The following ZNF681 variants were observed in gnomAD, a reference collection of about 807,000 sequenced individuals.
ZNF681 encodes zinc finger protein 681, also known as hypothetical protein FLJ31526.
A neutral mutation model predicts 56.0 loss-of-function variants in ZNF681; 37 were observed. The ratio of observed to expected loss-of-function variants is 0.66; its 90% CI spans 0.51 to 0.87. ZNF681 has a LOEUF of 0.87. Ranked by LOEUF, ZNF681 falls within the 40% of genes least tolerant of loss-of-function variation. ZNF681 has a pLI of 0.00. For synonymous variants in ZNF681, 225 were observed against 248.6 expected, an observed-to-expected ratio of 0.91 and a Z score of 0.89; for missense variants, 741 against 744.9, an observed-to-expected ratio of 0.99 and a Z score of 0.06.
At position 23,745,302 on chromosome 19, in the gene ZNF681, T is replaced by C; in HGVS notation, c.248A>G (p.Gln83Arg). The C allele has an allele frequency of 6.4e-7, 1 of 1,555,700 alleles. No individual in the cohort carries two copies. The highest frequency in any genetic ancestry group is 8.6e-7 in the Non-Finnish European group (1 of 1,156,772). ...EPPVICSHFA[Q>R]DFSPEQNIKD... Reference sequence around the variant, plus strand: ...TATGTTCTGCTCTGGTGAAAAGTCTTGGGCAAAATGAGAACAAATAACTGA... The same window carrying C: ...TATGTTCTGCTCTGGTGAAAAGTCTCGGGCAAAATGAGAACAAATAACTGA... Residue 83 changes from glutamine to arginine, a missense_variant, in exon 4 of 4, where the codon CAA becomes CGA. By Grantham distance (43) the Gln-to-Arg change is conservative (BLOSUM62 1). Coordinates refer to ENST00000402377, the MANE Select transcript of ZNF681 (RefSeq NM_138286.3).
intron 3 of ZNF681, among the ~76,000 whole-genome samples, chr19:23,752,268 A>C (rs2144849841): frequency 6.6e-6 from 1 of 152,324 alleles, no homozygotes; most frequent in African/African-American, 2.4e-5. Flanking sequence ...TCCCAGCCAC[A>C]GTCTGTAAGA....
In ZNF681 at chr19:23,744,766, C is replaced by G. The variant is rs1252312485; in HGVS notation, c.784G>C (p.Ala262Pro). 6 of 1,612,868 alleles carry G rather than the reference C, an allele frequency of 3.7e-6. No individual in the cohort carries two copies. The highest frequency in any genetic ancestry group is 5.1e-6 in the Non-Finnish European group (6 of 1,179,488). ...GTAATGTGTGACGACAGGTTAAAGGCTTTGCTACATTCTTCACGTTTGTAG... is the reference window on the plus strand; with the variant it reads ...GTAATGTGTGACGACAGGTTAAAGGGTTTGCTACATTCTTCACGTTTGTAG... ...KLYKREECSK[A>P]FNLSSHITTH... Residue 262 changes from alanine to proline, a missense_variant, in exon 4 of 4, where the codon GCC (alanine) becomes CCC (proline). Coordinates refer to ENST00000402377, the MANE Select transcript of ZNF681 (RefSeq NM_138286.3).
At chr19:23,745,508 G>A (rs894464665) in intron 3 of ZNF681, among the ~76,000 whole-genome samples, 185 bp from the exon 4 acceptor site, 4 of 147,206 alleles carry the variant, frequency 2.7e-5, no homozygotes, top group African/African-American at 5.1e-5. Context: ...GCTGGACTGC[G>A]GTAGTGTGAT....
intron 3 of ZNF681, among the ~76,000 whole-genome samples, chr19:23,746,214 T>A (rs568354034): frequency 1.1e-4 from 17 of 151,992 alleles, no homozygotes; most frequent in African/African-American, 3.4e-4. Context: ...CTCGGGAGGC[T>A]GAGGCAGGAG....
At chr19:23,751,966 C>T (rs1013461983) in intron 3 of ZNF681, among the ~76,000 whole-genome samples, 3 of 152,158 alleles carry the variant, frequency 2.0e-5, no homozygotes, top group Non-Finnish European at 4.4e-5. Context: ...GGATTACAGG[C>T]GTGAGCCACT....
rs372831294 is a variant in ZNF681, at chr19:23,758,871, G to T, written c.-122C>A. 1.1e-4 allele frequency: 148 copies of T among 1,402,534 alleles called. 1 individual carries two copies. The East Asian group carries it at 1.7e-3, about 17-fold the overall frequency. 86.9% of individuals were successfully genotyped at this position (1,402,534 alleles called of 1,614,324 possible). On this transcript the variant is annotated 5_prime_UTR_variant, in exon 1 of 4. Transcript: ENST00000402377. ...CAGAGCAGTGAAGACGAGACCCGGA[G>T]CTCGGGCTGAAGGGAGAGACAAAGG...
At chr19:23,756,656 A>C (rs10402407) in intron 1 of ZNF681, among the ~76,000 whole-genome samples, 2 of 152,054 alleles carry the variant, frequency 1.3e-5, no homozygotes, top group Admixed American at 6.5e-5. Context: ...GTGGAGGGAC[A>C]AGGAGAGAAA....
At position 23,744,305 on chromosome 19, in the gene ZNF681, A is replaced by G; in HGVS notation, c.1245T>C (p.Ile415=). 1 of 1,613,608 alleles carries G rather than the reference A, an allele frequency of 6.2e-7. No homozygotes were observed. The highest frequency in any genetic ancestry group is 8.5e-7 in the Non-Finnish European group (1 of 1,179,882). ...KSSHLTRHKS[I]HTGEKPYQCE... ...ACTGGTAGGGTTTTTCTCCAGTATG[A>G]ATGCTCTTATGTCTAGTAAGGTGTG... is the stretch of plus-strand genomic sequence containing the variant. The change falls in exon 4 of 4, where the codon ATT becomes ATC. Residue 415 remains isoleucine, a synonymous_variant. Transcript: ENST00000402377.
At chr19:23,755,619 C>A in intron 1 of ZNF681, 68 bp from the exon 2 acceptor site, 2 of 1,368,308 alleles carry the variant, frequency 1.5e-6, no homozygotes, top group Non-Finnish European at 1.9e-6. Context: ...AGAAAGTGGC[C>A]ATGGAAAGAA....
At position 23,754,892 on chromosome 19, in the gene ZNF681, T is replaced by A. The variant is rs756646086; in HGVS notation, c.157A>T (p.Ile53Phe). Residue 53 changes from isoleucine to phenylalanine, a missense_variant, in exon 3 of 4, where the codon ATC (isoleucine) becomes TTC (phenylalanine). Transcript: ENST00000402377. ...LGIVVSKPDL[I>F]TCLEQEKEPW... is the part of the protein sequence containing the mutation. ...TCTTTTTCTTGTTCCAGACAGGTGA[T>A]CAGGTCTGGCTTAGAGACAACAATA... 35 of 1,613,952 alleles carry A rather than the reference T, an allele frequency of 2.2e-5. No individual in the cohort carries two copies. Among genetic ancestry groups the A allele is most frequent in the Non-Finnish European group, 1.4e-5 (16 of 1,179,998 alleles).
rs752467798 is a variant in ZNF681 at position 23,754,927 on chromosome 19, T to C, written c.131-9A>G. The stretch of plus-strand genomic sequence containing the variant: ...CTTAGAGACAACAATACCTGTTTTA[T>C]TGAAAGTAAATAACATAAATCTTGC... On this transcript the variant is annotated splice_polypyrimidine_tract_variant and intron_variant, in intron 2 of 3. Transcript: ENST00000402377. 6.2e-7 allele frequency: 1 copy of C among 1,607,920 alleles called. No homozygotes were observed. The highest frequency in any genetic ancestry group is 8.5e-7 in the Non-Finnish European group (1 of 1,176,350).
chr19:23,743,265 C>T lies in ZNF681; in HGVS notation c.*347G>A, dbSNP rs10404926. The T allele has an allele frequency of 0.98, 160,209 of 163,522 alleles. 78,583 individuals carry two copies. The highest frequency in any genetic ancestry group is 1 in the East Asian group (5,508 of 5,508). The allele number at this position is 163,522 out of a possible 1,614,324, so 10.1% of individuals were successfully genotyped here. On this transcript the variant is annotated 3_prime_UTR_variant, in exon 4 of 4. Transcript: ENST00000402377. ...AGATCTGTGATACAAGTAAAGGTACCACAACCCTCCTTATGTTCATAATGT... is the reference window on the plus strand; with the variant it reads ...AGATCTGTGATACAAGTAAAGGTACTACAACCCTCCTTATGTTCATAATGT...
Position 23,744,751 on chromosome 19 carries a change from A to T in ZNF681, c.799T>A (p.Ser267Thr). Residue 267 changes from serine (S) to threonine (T), a missense_variant, in exon 4 of 4, where the codon TCA becomes ACA. Ser to Thr is a moderately conservative substitution (Grantham distance 58, BLOSUM62 1). Transcript: ENST00000402377. ...EECSKAFNLS[S>T]HITTHTIIHT... is the part of the protein sequence containing the mutation. ...ATTATTGTATGTGTTGTAATGTGTGACGACAGGTTAAAGGCTTTGCTACAT... is the reference window on the plus strand; with the variant it reads ...ATTATTGTATGTGTTGTAATGTGTGTCGACAGGTTAAAGGCTTTGCTACAT... The T allele has an allele frequency of 6.2e-7, 1 of 1,613,536 alleles. No homozygotes were observed. Among genetic ancestry groups the T allele is most frequent in the Non-Finnish European group, 8.5e-7 (1 of 1,179,718 alleles).
chr19:23,758,362 T>G (rs943303641), intron 1 of ZNF681, among the ~76,000 whole-genome samples: 2 of 152,218 alleles, frequency 1.3e-5, no homozygotes, highest in Non-Finnish European at 2.9e-5. Context: ...CCAGGCCTTT[T>G]GACTCTCATA....
intron 2 of ZNF681, 43 bp from the exon 3 acceptor site, chr19:23,754,961 T>A (rs1412778686): frequency 6.6e-7 from 1 of 1,506,498 alleles, no homozygotes; most frequent in Non-Finnish European, 9.2e-7. Flanking sequence ...GCTTATATTG[T>A]CTAATCACCA....
Position 23,741,756 on chromosome 19 carries a change from AACAAAT to A in ZNF681, c.*1850_*1855del, listed in dbSNP as rs1374405156. On this transcript the variant is annotated 3_prime_UTR_variant, in exon 4 of 4. Transcript: ENST00000402377. ...AAGTGCAGAATTAGTTTATAATACA[AACAAAT>A]ACAAACAATAAATGCTGCAGGTAAT... 1.3e-5 allele frequency: 2 copies of A among 152,132 alleles called. No homozygotes were observed. The highest frequency in any genetic ancestry group is 2.1e-4 in the South Asian group (1 of 4,828). 9.4% of individuals were successfully genotyped at this position (152,132 alleles called of 1,614,324 possible). A position where few individuals can be genotyped will look rare whatever the true frequency, so the allele number is the denominator to read the frequency against.
chr19:23,745,616 C>T (rs1352750527), intron 3 of ZNF681, among the ~76,000 whole-genome samples: 2 of 151,878 alleles, frequency 1.3e-5, no homozygotes, highest in East Asian at 3.9e-4. Flanking sequence ...CCATGCCCAG[C>T]TAATATTTGT....
intron 1 of ZNF681, among the ~76,000 whole-genome samples, chr19:23,756,638 G>A (rs1009989770): frequency 1.3e-5 from 2 of 151,948 alleles, no homozygotes; most frequent in African/African-American, 4.8e-5. Context: ...ACCAGGGCCA[G>A]TCGGGGGGTG....
rs146752783 is a variant in ZNF681, at chr19:23,745,033, TA to T, written c.516del (p.Tyr172Ter). ...ATGCAAAATGATTTGCCAAATTCTTTATATTTAAAAGGTTTTTTTCTGGTGT... is the reference window on the plus strand; with the variant it reads ...ATGCAAAATGATTTGCCAAATTCTTTTATTTAAAAGGTTTTTTTCTGGTGT... Reference protein sequence around the residue: ...VRHTRKKPFKYKEFGKSFCIF... With the variant: ...VRHTRKKPFKXKEFGKSFCIF... On this transcript the variant is annotated frameshift_variant, in exon 4 of 4. Coordinates refer to ENST00000402377, the MANE Select transcript of ZNF681 (RefSeq NM_138286.3). LOFTEE classifies it high-confidence loss of function. 3.1e-3 allele frequency: 4,879 copies of T among 1,593,642 alleles called. 144 individuals are homozygous for T. The African/African-American group carries it at 0.056, about 18-fold the overall frequency.
Sources: allele counts gnomAD v4.1 joint callset (sites outside exome capture counted in the v4.1 genomes callset), GRCh38; gene constraint gnomAD v4.1.1; transcripts MANE v1.5; gene names NCBI Gene and HGNC (gene_info 2026-07-23, HGNC 2026-07-21).